The following NKAIN2 variants were observed in gnomAD, a reference collection of about 807,000 sequenced individuals.
NKAIN2 encodes the protein sodium/potassium-transporting ATPase subunit beta-1-interacting protein 2.
NKAIN2 carries 14 observed loss-of-function variants against 32.6 expected under a neutral mutation model. That is an observed-to-expected ratio of 0.43 (90% confidence interval 0.28 to 0.67). NKAIN2 has a LOEUF of 0.67. Ranked by LOEUF, NKAIN2 falls within the 30% of genes least tolerant of loss-of-function variation. The probability of loss-of-function intolerance (pLI) is 0.17; values close to 1 mark genes in which losing one functional copy is unlikely to be tolerated. For synonymous variants in NKAIN2, 80 were observed against 87.2 expected (o/e 0.92, Z 0.46); for missense variants, 198 against 258.3 (o/e 0.77, Z 1.60).
At chr6:124,524,248 T>A (rs1779227419) in intron 3 of NKAIN2, among the ~76,000 whole-genome samples, 1 of 152,200 alleles carries the variant, frequency 6.6e-6, no homozygotes, top group South Asian at 2.1e-4. Context: ...ACAAATTTGT[T>A]TATATGTTAT....
intron 1 of NKAIN2, among the ~76,000 whole-genome samples, chr6:123,881,908 C>G (rs1280026513): frequency 6.6e-6 from 1 of 151,934 alleles, no homozygotes; most frequent in Non-Finnish European, 1.5e-5. Context: ...GGTGCATTAC[C>G]TAAAATTCAA....
intron 2 of NKAIN2, among the ~76,000 whole-genome samples, chr6:124,343,020 C>G (rs1277648826): frequency 7.4e-6 from 1 of 134,888 alleles, no homozygotes; most frequent in Non-Finnish European, 1.5e-5. Flanking sequence ...TGTGATGTTC[C>G]CCTTCCTGTG....
chr6:124,572,110 C>A (rs2114919678), intron 3 of NKAIN2, among the ~76,000 whole-genome samples: 1 of 152,320 alleles, frequency 6.6e-6, no homozygotes, highest in East Asian at 1.9e-4. Context: ...GAAAGTCTAA[C>A]AACCAGGCCT....
chr6:123,825,127 C>T (rs1173049708), intron 1 of NKAIN2, among the ~76,000 whole-genome samples: 6 of 152,030 alleles, frequency 3.9e-5, no homozygotes, highest in African/African-American at 1.4e-4. Context: ...CCAACAAGCT[C>T]CCCTGAGTCT....
At chr6:124,391,740 T>G (rs1371564715) in intron 3 of NKAIN2, among the ~76,000 whole-genome samples, 1 of 152,142 alleles carries the variant, frequency 6.6e-6, no homozygotes, top group Non-Finnish European at 1.5e-5. Flanking sequence ...GGAAATAATG[T>G]GAAAAGACCG....
chr6:124,555,095 C>T (rs1330532575), intron 3 of NKAIN2, among the ~76,000 whole-genome samples: 1 of 152,208 alleles, frequency 6.6e-6, no homozygotes, highest in Non-Finnish European at 1.5e-5. Context: ...CTGGCAGGAC[C>T]TCTAGCATGT....
At chr6:124,787,848 C>T (rs1196728048) in intron 4 of NKAIN2, among the ~76,000 whole-genome samples, 1 of 152,070 alleles carries the variant, frequency 6.6e-6, no homozygotes, top group Non-Finnish European at 1.5e-5. Flanking sequence ...AGTCCCCAAA[C>T]TCTTATCAGA....
At chr6:124,715,840 C>T (rs1199152034) in intron 4 of NKAIN2, among the ~76,000 whole-genome samples, 2 of 152,190 alleles carry the variant, frequency 1.3e-5, no homozygotes, top group South Asian at 2.1e-4. Context: ...CTGGCTAAAG[C>T]GAATGCTCTA....
chr6:123,991,464 C>T (rs1320844617), intron 1 of NKAIN2, among the ~76,000 whole-genome samples: 1 of 116,816 alleles, frequency 8.6e-6, no homozygotes, highest in Non-Finnish European at 1.7e-5. Flanking sequence ...TAAAAGAGAA[C>T]CTGGAGCTTG....
chr6:124,175,019 A>C (rs1323023266), intron 1 of NKAIN2, among the ~76,000 whole-genome samples: 23 of 152,188 alleles, frequency 1.5e-4, no homozygotes, highest in Admixed American at 1.5e-3. Flanking sequence ...TACTTTGTGA[A>C]TACCTGTATC....
intron 1 of NKAIN2, among the ~76,000 whole-genome samples, chr6:124,165,724 T>A (rs1309361753): frequency 2.7e-5 from 4 of 148,120 alleles, no homozygotes; most frequent in African/African-American, 1.0e-4. Flanking sequence ...TGTCCATGTG[T>A]TCTCATTGTT....
At chr6:124,514,189 G>A (rs1462117803) in intron 3 of NKAIN2, among the ~76,000 whole-genome samples, 1 of 152,126 alleles carries the variant, frequency 6.6e-6, no homozygotes, top group Non-Finnish European at 1.5e-5. Context: ...GACTGTTCCA[G>A]CCTACAGTTC....
At chr6:124,481,901 TG>T (rs1371895529) in intron 3 of NKAIN2, among the ~76,000 whole-genome samples, 2 of 152,134 alleles carry the variant, frequency 1.3e-5, no homozygotes, top group Non-Finnish European at 2.9e-5. Context: ...GCTATTGCAA[TG>T]GTTTGTGGCC....
intron 1 of NKAIN2, among the ~76,000 whole-genome samples, chr6:124,202,692 T>C (rs1790653855): frequency 1.3e-5 from 2 of 151,952 alleles, no homozygotes; most frequent in South Asian, 4.1e-4. Context: ...ACAAACATGG[T>C]ATCTTGCAAA....
chr6:124,334,235 C>T (rs1176285778), intron 2 of NKAIN2, among the ~76,000 whole-genome samples: 1 of 151,920 alleles, frequency 6.6e-6, no homozygotes, highest in Non-Finnish European at 1.5e-5. Flanking sequence ...ACCCTTGAGC[C>T]CAAAATACCA....
intron 1 of NKAIN2, among the ~76,000 whole-genome samples, chr6:123,875,511 G>A (rs958570532): frequency 6.6e-6 from 1 of 151,784 alleles, no homozygotes; most frequent in African/African-American, 2.4e-5. Flanking sequence ...GTGTTTTTGT[G>A]GGGTATCTAT....
Position 124,281,571 on chromosome 6 carries a change from C to A in NKAIN2, c.55-1434C>A, listed in dbSNP as rs141669896. Among the ~76,000 whole-genome samples the A allele has an allele frequency of 4.1e-3, 620 of 152,192 alleles. 2 individuals carry two copies. Among genetic ancestry groups the A allele is most frequent in the Admixed American group, 8.1e-3 (124 of 15,288 alleles). On this transcript the variant is annotated intron_variant, in intron 1 of 6. Coordinates refer to ENST00000368417, the MANE Select transcript of NKAIN2 (RefSeq NM_001040214.3). ...ATCATGGCTTTAGCACAGGGTATAA[C>A]AAATCAAGGTTCTTTTGTTTTTTTA...
chr6:124,735,880 C>A (rs938767098), intron 4 of NKAIN2, among the ~76,000 whole-genome samples: 1 of 151,796 alleles, frequency 6.6e-6, no homozygotes, highest in Non-Finnish European at 1.5e-5. Context: ...TTCTTTCATA[C>A]ACAACAATAT....
At chr6:123,846,961 G>A (rs966199130) in intron 1 of NKAIN2, among the ~76,000 whole-genome samples, 17 of 152,026 alleles carry the variant, frequency 1.1e-4, no homozygotes, top group Non-Finnish European at 2.4e-4. Flanking sequence ...TGTCCTTATC[G>A]CACATTCAGT....
Sources: allele counts gnomAD v4.1 joint callset (sites outside exome capture counted in the v4.1 genomes callset), GRCh38; gene constraint gnomAD v4.1.1; transcripts MANE v1.5; gene names NCBI Gene and HGNC (gene_info 2026-07-23, HGNC 2026-07-21).